Variants in TTC7A observed in about 807,000 individuals in gnomAD.
TTC7A encodes tetratricopeptide repeat domain 7A.
In TTC7A, 110 loss-of-function variants were observed where a neutral mutation model predicts 103.7. The ratio of observed to expected loss-of-function variants is 1.06; its 90% confidence interval spans 0.91 to 1.24. The LOEUF (loss-of-function observed/expected upper bound fraction) is 1.24. Ranked by LOEUF, TTC7A falls within the 50% of genes most tolerant of loss-of-function variation. The probability of loss-of-function intolerance (pLI) is 0.00; values close to 1 mark genes in which losing one functional copy is unlikely to be tolerated. For synonymous variants in TTC7A, 521 were observed against 467.9 expected (o/e 1.11, Z -1.47); for missense variants, 1,340 against 1,116.3 (o/e 1.20, Z -2.86).
intron 11 of TTC7A, among the ~76,000 whole-genome samples, chr2:47,019,250 T>C (rs548622656): frequency 6.6e-6 from 1 of 152,172 alleles, no homozygotes; most frequent in South Asian, 2.1e-4. Flanking sequence ...ATCAAAATTA[T>C]GGCCGGATGT....
chr2:47,069,076 G>A (rs1558650220), intron 19 of TTC7A, among the ~76,000 whole-genome samples: 1 of 152,050 alleles, frequency 6.6e-6, no homozygotes, highest in Non-Finnish European at 1.5e-5. Context: ...GGATCCAGAG[G>A]CCTAGCCACA....
At position 47,032,705 on chromosome 2, in the gene TTC7A, A is replaced by G. The variant is rs376686131; in HGVS notation, c.1802+3321A>G. Among the ~76,000 whole-genome samples, 74 of 151,682 alleles carry G rather than the reference A, an allele frequency of 4.9e-4. No individual in the cohort carries two copies. In the East Asian group the frequency reaches 8.0e-3, roughly 16 times the overall value. On this transcript the variant is annotated intron_variant, in intron 15 of 19. Transcript: ENST00000319190. ...AGGGGGAAGCAGCAGTAGGTTCTTC[A>G]TCTTGAGCCACCATGAGCTCCTCAC...
chr2:46,972,016 A>T (rs1035739203), intron 3 of TTC7A, among the ~76,000 whole-genome samples: 14 of 151,944 alleles, frequency 9.2e-5, no homozygotes, highest in African/African-American at 3.4e-4. Flanking sequence ...GGAAGAAGAC[A>T]TGGGAGCTAT....
At chr2:47,050,090 C>T (rs1682725049) in intron 17 of TTC7A, 44 bp downstream of exon 17, 1 of 1,488,232 alleles carries the variant, frequency 6.7e-7, no homozygotes, top group Admixed American at 1.7e-5. Flanking sequence ...GGACCCACAG[C>T]TCACACTCCC....
Position 46,993,439 on chromosome 2 carries a change from C to G in TTC7A, c.765-11C>G. On this transcript the variant is annotated splice_polypyrimidine_tract_variant and intron_variant, in intron 5 of 19. Coordinates refer to ENST00000319190, the MANE Select transcript of TTC7A (RefSeq NM_020458.4). The stretch of plus-strand genomic sequence containing the variant: ...CTGGTAACAAATCTACTTCTGCCGT[C>G]CTCCCACCAGGAACATCGTGAAGGG... 3 of 1,614,038 alleles carry G rather than the reference C, an allele frequency of 1.9e-6. No homozygotes were observed. Among genetic ancestry groups the G allele is most frequent in the Non-Finnish European group, 2.5e-6 (3 of 1,179,896 alleles).
chr2:46,992,860 G>T (rs1232972443), intron 5 of TTC7A, among the ~76,000 whole-genome samples: 3 of 152,220 alleles, frequency 2.0e-5, no homozygotes, highest in Non-Finnish European at 4.4e-5. Flanking sequence ...TTTTATGTCA[G>T]GGAAGTGTAT....
intron 19 of TTC7A, among the ~76,000 whole-genome samples, 152 bp from the exon 20 acceptor site, chr2:47,073,549 AG>A (rs1399982551): frequency 1.3e-5 from 2 of 152,270 alleles, no homozygotes; most frequent in East Asian, 3.9e-4. Flanking sequence ...GTATGGGGAA[AG>A]GCACAGTCAC....
At chr2:46,999,920 C>T (rs1028167905) in intron 8 of TTC7A, 3 of 984,490 alleles carry the variant, frequency 3.0e-6, no homozygotes, top group Non-Finnish European at 3.6e-6. Context: ...TGGGACTCTG[C>T]AGATTAACAG....
intron 8 of TTC7A, among the ~76,000 whole-genome samples, chr2:46,998,002 T>A (rs1453079998): frequency 6.6e-6 from 1 of 152,134 alleles, no homozygotes; most frequent in East Asian, 1.9e-4. Context: ...CAAGCAGCTC[T>A]TTCCCTTTTG....
intron 14 of TTC7A, among the ~76,000 whole-genome samples, chr2:47,026,545 G>C (rs1486604077): frequency 7.2e-5 from 11 of 152,312 alleles, no homozygotes; most frequent in African/African-American, 2.6e-4. Flanking sequence ...CAAGGAGCAG[G>C]ACTCTTAAAA....
intron 10 of TTC7A, among the ~76,000 whole-genome samples, 171 bp from the exon 11 acceptor site, chr2:47,011,160 A>G (rs1677999364): frequency 6.6e-6 from 1 of 152,172 alleles, no homozygotes; most frequent in Admixed American, 6.5e-5. Context: ...AGGCCCAGGG[A>G]GGGATTTGCC....
At chr2:47,055,663 G>A (rs113255444) in intron 18 of TTC7A, among the ~76,000 whole-genome samples, 2 of 152,180 alleles carry the variant, frequency 1.3e-5, no homozygotes, top group African/African-American at 4.8e-5. Flanking sequence ...CTACCCTGGA[G>A]GTCCAAGGGC....
Position 46,941,409 on chromosome 2 carries a change from C to CGCTGCCGCCCGGGCCCCG in TTC7A, c.-125_-108dup, listed in dbSNP as rs1670358992. 8 of 844,114 alleles carry CGCTGCCGCCCGGGCCCCG rather than the reference C, an allele frequency of 9.5e-6. No individual in the cohort carries two copies. The allele number at this position is 844,114 out of a possible 1,614,324, so 52.3% of individuals were successfully genotyped here. ...GCCCACCCTCCGCCGCCCGGGCCCC[C>CGCTGCCGCCCGGGCCCCG]GCTGCCGCCCGGGCCCCGGCTGCCG... On this transcript the variant is annotated 5_prime_UTR_variant, in exon 1 of 20. Transcript: ENST00000319190. This position sits in a 1 kb window ranked among gnomAD's most constrained non-coding sequence, Gnocchi z 4.2.
chr2:47,070,838 T>TAAAC (rs1460409062), intron 19 of TTC7A, among the ~76,000 whole-genome samples: 1 of 152,180 alleles, frequency 6.6e-6, no homozygotes, highest in Non-Finnish European at 1.5e-5. Flanking sequence ...CTGATCACCA[T>TAAAC]AAACAACTTG....
intron 11 of TTC7A, among the ~76,000 whole-genome samples, chr2:47,012,891 C>G (rs139874948): frequency 6.6e-6 from 1 of 152,192 alleles, no homozygotes; most frequent in Admixed American, 6.5e-5. Context: ...GAAAGTGTGG[C>G]ATCTGGCTCG....
chr2:47,011,138 A>G (rs1677997463), intron 10 of TTC7A, among the ~76,000 whole-genome samples, 193 bp from the exon 11 acceptor site: 1 of 152,222 alleles, frequency 6.6e-6, no homozygotes, highest in South Asian at 2.1e-4. Context: ...TAATCTTCAG[A>G]TGAGGAAACT....
At chr2:46,956,817 T>TC in intron 2 of TTC7A, 22 bp from the exon 3 acceptor site, 1 of 1,613,376 alleles carries the variant, frequency 6.2e-7, no homozygotes, top group Middle Eastern at 1.7e-4. Flanking sequence ...CAGGCGCTGG[T>TC]AACATGTCCT....
chr2:47,056,349 T>A (rs1165025625), intron 18 of TTC7A, among the ~76,000 whole-genome samples: 8 of 152,186 alleles, frequency 5.3e-5, no homozygotes, highest in Non-Finnish European at 1.2e-4. Flanking sequence ...ACTAACCTAT[T>A]TCTCTCCTGC....
chr2:46,959,311 C>A (rs1289555706), intron 3 of TTC7A, among the ~76,000 whole-genome samples: 1 of 152,214 alleles, frequency 6.6e-6, no homozygotes, highest in African/African-American at 2.4e-5. Context: ...GGGCTGCCTG[C>A]AGGAGCCTGA....
Sources: gnomAD v4.1 joint callset for allele counts (sites outside exome capture counted in the v4.1 genomes callset) on GRCh38, gnomAD v4.1.1 for gene constraint, Gnocchi (gnomAD v3.1) non-coding constraint, MANE v1.5 for transcripts, NCBI Gene and HGNC (gene_info 2026-07-23, HGNC 2026-07-21) for gene names.